MKI67: variants seen among roughly 807,000 people sequenced by gnomAD.
MKI67 encodes the protein marker of proliferation Ki-67.
MKI67 carries 152 observed loss-of-function variants against 233.5 expected under a neutral mutation model. The ratio of observed to expected loss-of-function variants is 0.65; its 90% CI spans 0.57 to 0.74. MKI67 has a LOEUF of 0.74. MKI67 is among the 30% of genes least tolerant of loss of function. MKI67 has a pLI of 0.00. For synonymous variants in MKI67, 1,465 were observed against 1,418.5 expected, an observed-to-expected ratio of 1.03 and a Z score of -0.74; for missense variants, 3,940 against 3,885.2, an observed-to-expected ratio of 1.01 and a Z score of -0.37.
In MKI67 at chr10:128,115,378, T is replaced by A; in HGVS notation, c.1030A>T (p.Lys344Ter). The A allele has an allele frequency of 6.2e-7, 1 of 1,614,218 alleles. No homozygotes were observed. ...GASFPLYEPA[K>*]MKTPVQYSQQ... is the part of the protein sequence containing the mutation. ...GAATATTGTACAGGGGTCTTCATTT[T>A]AGCCGGCTCATAGAGAGGAAAGCTG... The change falls in exon 7 of 15, where the codon AAA (lysine) becomes TAA (stop). Residue 344 changes from lysine to a stop codon, truncating the protein, a stop_gained. Transcript: ENST00000368654. LOFTEE classifies it high-confidence loss of function.
At chr10:128,111,164 G>C (rs1051159811) in intron 11 of MKI67, among the ~76,000 whole-genome samples, 2 of 152,170 alleles carry the variant, frequency 1.3e-5, no homozygotes, top group Non-Finnish European at 2.9e-5. Flanking sequence ...ACTGAGAGTG[G>C]GAATTGAATG....
At chr10:128,111,541 A>T in intron 11 of MKI67, 104 bp downstream of exon 11, 443 of 809,900 alleles carry the variant, frequency 5.5e-4, no homozygotes, top group East Asian at 1.1e-3. Context: ...CGTTTATTTT[A>T]TAATCTCTTT....
rs147122890 is a variant in MKI67 at position 128,104,457 on chromosome 10, T to C, written c.7383A>G (p.Glu2461=). The C allele has an allele frequency of 6.2e-7, 1 of 1,613,954 alleles. No homozygotes were observed. Among genetic ancestry groups the C allele is most frequent in the Non-Finnish European group, 8.5e-7 (1 of 1,180,022 alleles). Residue 2461 remains glutamate (E), a synonymous_variant, in exon 13 of 15, where the codon GAA becomes GAG. Transcript: ENST00000368654. ...CTGGCTGTGGAGATTTACAGGATAC[T>C]TCTGTGATTTTGTCATCAGTCATTG... is the stretch of plus-strand genomic sequence containing the variant. ...EESMTDDKIT[E]VSCKSPQPES...
At position 128,104,273 on chromosome 10, in the gene MKI67, T is replaced by G. The variant is rs143242124; in HGVS notation, c.7567A>C (p.Lys2523Gln). 7.4e-6 allele frequency: 12 copies of G among 1,614,056 alleles called. No homozygotes were observed. Among genetic ancestry groups the G allele is most frequent in the African/African-American group, 1.3e-5 (1 of 74,922 alleles). ...TGCTTTGGAGACTCCTTAAACGCTT[T>G]GATGCTCTTACTATCTCCTGTTGGC... Reference protein sequence around the residue: ...TEPTGDSKSIKAFKESPKQIL... With the variant: ...TEPTGDSKSIQAFKESPKQIL... The change falls in exon 13 of 15, where the codon AAA becomes CAA. Residue 2523 changes from lysine (K) to glutamine (Q), a missense_variant. Transcript: ENST00000368654.
intron 5 of MKI67, among the ~76,000 whole-genome samples, chr10:128,118,339 T>G (rs947294961): frequency 6.9e-6 from 1 of 144,032 alleles, no homozygotes; most frequent in African/African-American, 2.6e-5. Context: ...GAGGTTGCAG[T>G]GAGCCAAGAT....
In MKI67 at chr10:128,107,716, G is replaced by C; in HGVS notation, c.4124C>G (p.Ser1375Cys). The change falls in exon 13 of 15, where the codon TCT (serine) becomes TGT (cysteine). Residue 1375 changes from serine to cysteine, a missense_variant. Coordinates refer to ENST00000368654, the MANE Select transcript of MKI67 (RefSeq NM_002417.5). ...GGTGTCTGCTGATTCTGGTGGAGAA[G>C]ATTCGCAGGGCATTTTAGTAGTTTT... ...AGKTTKMPCE[S>C]SPPESADTPT... The C allele has an allele frequency of 6.2e-7, 1 of 1,613,854 alleles. No individual in the cohort carries two copies.
Position 128,104,104 on chromosome 10 carries a change from T to C in MKI67, c.7736A>G (p.Asp2579Gly). Residue 2579 changes from aspartate to glycine, a missense_variant, in exon 13 of 15, where the codon GAC becomes GGC. Physicochemically the swap from Asp to Gly is moderately conservative, Grantham distance 94 (BLOSUM62 -1). Transcript: ENST00000368654. ...TTTGCAGGGAATTTTTGTGTTTTTG[T>C]CAATAGTCATTGACTCTTCAGTGTG... ...PGHTEESMTI[D>G]KNTKIPCKSP... is the part of the protein sequence containing the mutation. The C allele has an allele frequency of 3.1e-6, 5 of 1,614,048 alleles. No homozygotes were observed. Among genetic ancestry groups the C allele is most frequent in the Non-Finnish European group, 4.2e-6 (5 of 1,180,002 alleles).
chr10:128,115,350 T>C lies in MKI67; in HGVS notation c.1058A>G (p.Gln353Arg), dbSNP rs767175977. Reference sequence around the variant, plus strand: ...ATGTTTTTGTGGAGAATTTTGTTGCTGTGAATATTGTACAGGGGTCTTCAT... The same window carrying C: ...ATGTTTTTGTGGAGAATTTTGTTGCCGTGAATATTGTACAGGGGTCTTCAT... ...AKMKTPVQYS[Q>R]QQNSPQKHKN... Residue 353 changes from glutamine to arginine, a missense_variant, in exon 7 of 15, where the codon CAG (glutamine) becomes CGG (arginine). Transcript: ENST00000368654. The C allele has an allele frequency of 1.9e-6, 3 of 1,614,172 alleles. No homozygotes were observed. The highest frequency in any genetic ancestry group is 2.5e-6 in the Non-Finnish European group (3 of 1,180,024).
At position 128,103,105 on chromosome 10, in the gene MKI67, G is replaced by T; in HGVS notation, c.8735C>A (p.Ala2912Asp). 1 of 1,614,244 alleles carries T rather than the reference G, an allele frequency of 6.2e-7. No homozygotes were observed. Among genetic ancestry groups the T allele is most frequent in the South Asian group, 1.1e-5 (1 of 91,090 alleles). The change falls in exon 13 of 15, where the codon GCC becomes GAC. Residue 2912 changes from alanine to aspartate, a missense_variant. By Grantham distance (126) the Ala-to-Asp change is moderately radical. Coordinates refer to ENST00000368654, the MANE Select transcript of MKI67 (RefSeq NM_002417.5). ...GCTGGCCAGATCTTCCAGGGGTTGGGCCTTTTCCTTAGGTGCTCTTGGCTG... is the reference window on the plus strand; with the variant it reads ...GCTGGCCAGATCTTCCAGGGGTTGGTCCTTTTCCTTAGGTGCTCTTGGCTG... ...RRQPRAPKEK[A>D]QPLEDLASFQ...
rs928449899 is a variant in MKI67, at chr10:128,110,529, T to C, written c.2265A>G (p.Ile755Met). Residue 755 changes from isoleucine (I) to methionine (M), a missense_variant, in exon 12 of 15, where the codon ATA (isoleucine) becomes ATG (methionine). Ile to Met is a conservative substitution (Grantham distance 10). Transcript: ENST00000368654. ...TCACTGGGGTCTTGAACATTTCAGC[T>C]ATTCCTGTTAAATGAAAATATTTGA... ...KMDFKEDLSG[I>M]AEMFKTPVKE... is the part of the protein sequence containing the mutation. The C allele has an allele frequency of 6.5e-7, 1 of 1,541,660 alleles. No homozygotes were observed. The highest frequency in any genetic ancestry group is 8.9e-7 in the Non-Finnish European group (1 of 1,129,322).
In MKI67 at chr10:128,104,251, T is replaced by G. The variant is rs563159097; in HGVS notation, c.7589A>C (p.Lys2530Thr). ...ACTTGCTGCTGGGTCCAGGATCTGC[T>G]TTGGAGACTCCTTAAACGCTTTGAT... ...KSIKAFKESPKQILDPAASVT... is the reference protein window; with the variant it reads ...KSIKAFKESPTQILDPAASVT... Residue 2530 changes from lysine (K) to threonine (T), a missense_variant, in exon 13 of 15, where the codon AAG becomes ACG. By Grantham distance (78) the Lys-to-Thr change is moderately conservative. Coordinates refer to ENST00000368654, the MANE Select transcript of MKI67 (RefSeq NM_002417.5). 4 of 1,614,124 alleles carry G rather than the reference T, an allele frequency of 2.5e-6. No individual in the cohort carries two copies. The African/African-American group carries it at 5.3e-5, about 22-fold the overall frequency.
At chr10:128,113,084 C>T (rs575422576) in intron 8 of MKI67, among the ~76,000 whole-genome samples, 3 of 152,248 alleles carry the variant, frequency 2.0e-5, no homozygotes, top group Admixed American at 6.5e-5. Context: ...CCTTATGGGT[C>T]GACGTGGTAA....
chr10:128,119,608 C>A (rs573114592), intron 4 of MKI67, among the ~76,000 whole-genome samples: 1 of 152,334 alleles, frequency 6.6e-6, no homozygotes, highest in African/African-American at 2.4e-5. Context: ...TTACCAAGCA[C>A]CTTCTATGAC....
In MKI67 at chr10:128,115,357, A is replaced by G. The variant is rs750085048; in HGVS notation, c.1051T>C (p.Tyr351His). The change falls in exon 7 of 15, where the codon TAT becomes CAT. Residue 351 changes from tyrosine (Y) to histidine (H), a missense_variant. Physicochemically the swap from Tyr to His is moderately conservative, Grantham distance 83 (BLOSUM62 2). Coordinates refer to ENST00000368654, the MANE Select transcript of MKI67 (RefSeq NM_002417.5). The part of the protein sequence containing the change: ...EPAKMKTPVQ[Y>H]SQQQNSPQKH... Reference sequence around the variant, plus strand: ...TGTGGAGAATTTTGTTGCTGTGAATATTGTACAGGGGTCTTCATTTTAGCC... The same window carrying G: ...TGTGGAGAATTTTGTTGCTGTGAATGTTGTACAGGGGTCTTCATTTTAGCC... 6.2e-7 allele frequency: 1 copy of G among 1,614,138 alleles called. No homozygotes were observed. Among genetic ancestry groups the G allele is most frequent in the Non-Finnish European group, 8.5e-7 (1 of 1,180,030 alleles).
chr10:128,100,313 C>T (rs1298853822), intron 14 of MKI67, among the ~76,000 whole-genome samples: 1 of 152,162 alleles, frequency 6.6e-6, no homozygotes, highest in Non-Finnish European at 1.5e-5. Context: ...AGCCCTCCCC[C>T]TCCACTGGCT....
Position 128,106,260 on chromosome 10 carries a change from T to A in MKI67, c.5580A>T (p.Lys1860Asn). ...TGTCCGCTGGGTCTGATTGCGGAGATTTGCAGAGTATTTTTTTGGTAGTTT... is the reference window on the plus strand; with the variant it reads ...TGTCCGCTGGGTCTGATTGCGGAGAATTGCAGAGTATTTTTTTGGTAGTTT... ...DEKTTKKILC[K>N]SPQSDPADTP... is the part of the protein sequence containing the mutation. Residue 1860 changes from lysine (K) to asparagine (N), a missense_variant, in exon 13 of 15, where the codon AAA becomes AAT. Physicochemically the swap from Lys to Asn is moderately conservative, Grantham distance 94. Transcript: ENST00000368654. The A allele has an allele frequency of 6.2e-7, 1 of 1,613,914 alleles. No individual in the cohort carries two copies. The highest frequency in any genetic ancestry group is 1.7e-5 in the Admixed American group (1 of 59,998).
In MKI67 at chr10:128,106,365, C is replaced by T. The variant is rs368089568; in HGVS notation, c.5475G>A (p.Lys1825=). The T allele has an allele frequency of 5.6e-6, 9 of 1,613,786 alleles. No individual in the cohort carries two copies. The highest frequency in any genetic ancestry group is 7.6e-6 in the Non-Finnish European group (9 of 1,179,952). ...CAGTCAGTTCTTCTAGAGCCTGGGC[C>T]TTTTCCTTACGAGTTTGTAGCCGTC... ...SNRRLQTRKE[K]AQALEELTGF... Residue 1825 remains lysine, a synonymous_variant, in exon 13 of 15, where the codon AAG becomes AAA. Coordinates refer to ENST00000368654, the MANE Select transcript of MKI67 (RefSeq NM_002417.5).
In MKI67 at chr10:128,112,262, G is replaced by A. The variant is rs868438318; in HGVS notation, c.1840C>T (p.Pro614Ser). ...CCACTCTTTCTCCCTCCTCTCTTAG[G>A]AACCTCTGTCTGAGATTTGCTGCTG... Reference protein sequence around the residue: ...ASSSKSQTEVPKRGGRKSGNL... With the variant: ...ASSSKSQTEVSKRGGRKSGNL... The change falls in exon 9 of 15, where the codon CCT becomes TCT. Residue 614 changes from proline (P) to serine (S), a missense_variant. By Grantham distance (74) the Pro-to-Ser change is moderately conservative (BLOSUM62 -1). Transcript: ENST00000368654. 2 of 1,614,168 alleles carry A rather than the reference G, an allele frequency of 1.2e-6. No homozygotes were observed. The highest frequency in any genetic ancestry group is 3.3e-5 in the Admixed American group (2 of 60,028).
intron 4 of MKI67, among the ~76,000 whole-genome samples, chr10:128,122,517 T>C (rs1488382823): frequency 2.0e-5 from 3 of 152,288 alleles, no homozygotes; most frequent in Middle Eastern, 3.4e-3. Flanking sequence ...ACATGATAAA[T>C]TGACCTGTCC....
Sources: gnomAD v4.1 joint callset for allele counts (sites outside exome capture counted in the v4.1 genomes callset) on GRCh38, gnomAD v4.1.1 for gene constraint, MANE v1.5 for transcripts, NCBI Gene and HGNC (gene_info 2026-07-23, HGNC 2026-07-21) for gene names.